Variants in FBN3 observed in about 807,000 individuals in gnomAD.
FBN3 encodes the protein fibrillin 3, also known as fibrillin-3.
FBN3 carries 234 observed loss-of-function variants against 330.1 expected under a neutral mutation model. The observed-to-expected ratio is 0.71, with a 90% confidence interval of 0.64 to 0.79. The LOEUF (loss-of-function observed/expected upper bound fraction) is 0.79, where lower values mean the gene tolerates loss of function less well. Among genes scored for constraint, FBN3 ranks in the 30% least tolerant of loss-of-function variants. The probability of loss-of-function intolerance (pLI) is 0.00; values close to 1 mark genes in which losing one functional copy is unlikely to be tolerated. For missense variants in FBN3, 3,606 were observed against 3,886.9 expected (o/e 0.93, Z 1.92); for synonymous variants, 1,458 against 1,517.3 (o/e 0.96, Z 0.91).
chr19:8,071,915 TG>T, intron 63 of FBN3, 132 bp downstream of exon 63: 1 of 902,912 alleles, frequency 1.1e-6, no homozygotes, highest in Non-Finnish European at 1.7e-6. Flanking sequence ...CACCATGACA[TG>T]GGGAACCTGT....
chr19:8,123,119 C>T (rs985152487), intron 24 of FBN3, among the ~76,000 whole-genome samples: 2 of 151,696 alleles, frequency 1.3e-5, no homozygotes, highest in East Asian at 2.0e-4. Flanking sequence ...TTTGGGAGGC[C>T]GAGGTGGGCG....
chr19:8,109,271 C>A lies in FBN3; in HGVS notation c.4574G>T (p.Arg1525Leu), dbSNP rs368658470. 1 of 1,614,190 alleles carries A rather than the reference C, an allele frequency of 6.2e-7. No homozygotes were observed. The highest frequency in any genetic ancestry group is 8.5e-7 in the Non-Finnish European group (1 of 1,180,028). The change falls in exon 36 of 64, where the codon CGG becomes CTG. Residue 1525 changes from arginine to leucine, a missense_variant. Physicochemically the swap from Arg to Leu is moderately radical, Grantham distance 102 (BLOSUM62 -2). Coordinates refer to ENST00000600128, the MANE Select transcript of FBN3 (RefSeq NM_032447.5). The surrounding 1 kb of genome is among the most constrained non-coding windows in gnomAD (Gnocchi z 5.2). Reference sequence around the variant, plus strand: ...CAGCTCACAGGGATTGCCCCAAGCCCGGCCCAGGGAGCAACAGCAGGAAGC... The same window carrying A: ...CAGCTCACAGGGATTGCCCCAAGCCAGGCCCAGGGAGCAACAGCAGGAAGC... ...TRASCCCSLG[R>L]AWGNPCELCP...
Position 8,076,247 on chromosome 19 carries a change from C to CAT in FBN3, c.7454-837_7454-836insAT, listed in dbSNP as rs60725609. ...AACCAGTGTATGGGTTGTCCGTGTGCGTGTGTGTGTGTGTGTGTGTGTGTG... is the reference window on the plus strand; with the variant it reads ...AACCAGTGTATGGGTTGTCCGTGTGCATGTGTGTGTGTGTGTGTGTGTGTGTG... On this transcript the variant is annotated intron_variant, in intron 59 of 63. Transcript: ENST00000600128. Among the ~76,000 whole-genome samples the CAT allele has an allele frequency of 4.5e-3, 668 of 147,740 alleles. 6 individuals carry two copies. Among genetic ancestry groups the CAT allele is most frequent in the African/African-American group, 8.0e-3 (321 of 40,034 alleles).
At position 8,129,110 on chromosome 19, in the gene FBN3, C is replaced by T. The variant is rs1324298127; in HGVS notation, c.2214G>A (p.Gly738=). The T allele has an allele frequency of 3.1e-6, 5 of 1,613,132 alleles. No individual in the cohort carries two copies. The stretch of plus-strand genomic sequence containing the variant: ...AGCTGCCAGGGCTATTCTGGCACCA[C>T]CCGTTGTCACACAGGAGGCTGTTGA... The part of the protein sequence containing the change: ...CALNSLLCDN[G]WCQNSPGSYS... The change falls in exon 18 of 64, where the codon GGG becomes GGA. Residue 738 remains glycine, a synonymous_variant. Transcript: ENST00000600128. This position sits in a 1 kb window ranked among gnomAD's most constrained non-coding sequence, Gnocchi z 4.5.
chr19:8,114,703 A>G (rs558381933), intron 30 of FBN3, among the ~76,000 whole-genome samples: 1 of 150,690 alleles, frequency 6.6e-6, no homozygotes, highest in East Asian at 2.0e-4. Flanking sequence ...GGGATTACAA[A>G]AGTGTGAGCC....
intron 38 of FBN3, among the ~76,000 whole-genome samples, chr19:8,105,297 A>C (rs2082415466): frequency 7.1e-6 from 1 of 140,260 alleles, no homozygotes. Context: ...TCGTTCTGTC[A>C]CCCAGGCTGG....
In FBN3 at chr19:8,072,162, G is replaced by A. The variant is rs2145357008; in HGVS notation, c.7974C>T (p.Pro2658=). ...CVSGLGFSPG[P]QDTPDKEELL... Reference sequence around the variant, plus strand: ...GCTCCTCTTTGTCCGGGGTGTCCTGGGGTCCGGGGCTGAAGCCCAGGCCGG... The same window carrying A: ...GCTCCTCTTTGTCCGGGGTGTCCTGAGGTCCGGGGCTGAAGCCCAGGCCGG... Residue 2658 remains proline (P), a synonymous_variant, in exon 63 of 64, where the codon CCC becomes CCT. Coordinates refer to ENST00000600128, the MANE Select transcript of FBN3 (RefSeq NM_032447.5). The A allele has an allele frequency of 6.3e-7, 1 of 1,593,106 alleles. No individual in the cohort carries two copies. The highest frequency in any genetic ancestry group is 8.5e-7 in the Non-Finnish European group (1 of 1,170,148).
At chr19:8,124,683 A>G (rs971011571) in intron 22 of FBN3, among the ~76,000 whole-genome samples, 2 of 151,926 alleles carry the variant, frequency 1.3e-5, no homozygotes, top group African/African-American at 2.4e-5. Flanking sequence ...GATTACAGAC[A>G]CCGCTACCAC....
chr19:8,141,662 C>T, intron 8 of FBN3, 55 bp downstream of exon 8: 1 of 1,563,794 alleles, frequency 6.4e-7, no homozygotes, highest in Non-Finnish European at 8.7e-7. Flanking sequence ...AGCCTGAGCC[C>T]CCCAGGTCAT....
chr19:8,131,797 C>T lies in FBN3; in HGVS notation c.1747G>A (p.Val583Met), dbSNP rs749089317. The change falls in exon 15 of 64, where the codon GTG becomes ATG. Residue 583 changes from valine (V) to methionine (M), a missense_variant. Coordinates refer to ENST00000600128, the MANE Select transcript of FBN3 (RefSeq NM_032447.5). This position sits in a 1 kb window ranked among gnomAD's most constrained non-coding sequence, Gnocchi z 4.5. ...TCGGTGTTGGTACAGTGGCCGTTCA[C>T]GCAGATGCCGGGCGTCTGGCACTCG... is the stretch of plus-strand genomic sequence containing the variant. Reference protein sequence around the residue: ...IDECQTPGICVNGHCTNTEGS... With the variant: ...IDECQTPGICMNGHCTNTEGS... 3.8e-5 allele frequency: 61 copies of T among 1,604,642 alleles called. 1 individual carries two copies. Among genetic ancestry groups the T allele is most frequent in the South Asian group, 1.3e-4 (12 of 90,524 alleles).
intron 30 of FBN3, among the ~76,000 whole-genome samples, chr19:8,115,151 G>A (rs899863813): frequency 7.2e-5 from 11 of 152,144 alleles, no homozygotes; most frequent in East Asian, 1.9e-4. Flanking sequence ...CACCGCGCCC[G>A]GCCCAGAGAA....
intron 58 of FBN3, 92 bp downstream of exon 58, chr19:8,081,266 G>T: frequency 6.7e-7 from 1 of 1,502,020 alleles, no homozygotes; most frequent in Non-Finnish European, 9.1e-7. Flanking sequence ...GATGGGAGGG[G>T]GTGAGATTGC....
chr19:8,144,874 T>A lies in FBN3; in HGVS notation c.541+3A>T. ...CTACCTCCCACCCGCGCATGCTTGG[T>A]ACCTCTCTCACATTGAGGTCCCATG... On this transcript the variant is annotated splice_donor_region_variant and intron_variant, in intron 6 of 63. Coordinates refer to ENST00000600128, the MANE Select transcript of FBN3 (RefSeq NM_032447.5). 1 of 1,601,694 alleles carries A rather than the reference T, an allele frequency of 6.2e-7. No individual in the cohort carries two copies. The highest frequency in any genetic ancestry group is 1.3e-5 in the African/African-American group (1 of 74,954).
rs138174015 is a variant in FBN3, at chr19:8,147,932, G to A, written c.-17-435C>T. Among the ~76,000 whole-genome samples, 27 of 149,212 alleles carry A rather than the reference G, an allele frequency of 1.8e-4. No individual in the cohort carries two copies. The East Asian group carries it at 5.0e-3, about 28-fold the overall frequency. The stretch of plus-strand genomic sequence containing the variant: ...GTGTGGGGAAGGGCAGCAGGGTCCC[G>A]GGGGGGAAACAGGGTGTCAGAAGGC... On this transcript the variant is annotated intron_variant, in intron 1 of 63. Coordinates refer to ENST00000600128, the MANE Select transcript of FBN3 (RefSeq NM_032447.5).
At chr19:8,099,654 G>C (rs879876695) in intron 41 of FBN3, among the ~76,000 whole-genome samples, 6 of 152,016 alleles carry the variant, frequency 3.9e-5, no homozygotes, top group Non-Finnish European at 7.4e-5. Context: ...GAATTCATCA[G>C]TTAAACACTG....
chr19:8,130,639 A>AGGAAGGAAAGGAAAGGAAAG (rs58509229), intron 16 of FBN3, among the ~76,000 whole-genome samples: 1 of 3,960 alleles, frequency 2.5e-4, no homozygotes, highest in Non-Finnish European at 4.8e-4. Flanking sequence ...AAAGAAAGAA[A>AGGAAGGAAAGGAAAGGAAAG]GAAAGGAAAG....
At chr19:8,132,892 A>G in intron 14 of FBN3, 92 bp downstream of exon 14, 1 of 1,382,148 alleles carries the variant, frequency 7.2e-7, no homozygotes, top group Non-Finnish European at 9.6e-7. Flanking sequence ...TGCTCGTCCC[A>G]TCCCCGTCCG....
rs757123409 is a variant in FBN3 at position 8,111,683 on chromosome 19, C to A, written c.4049G>T (p.Arg1350Leu). Residue 1350 changes from arginine to leucine, a missense_variant, in exon 32 of 64, where the codon CGC becomes CTC. By Grantham distance (102) the Arg-to-Leu change is moderately radical. Transcript: ENST00000600128. ...GAAGCCATCCCCGGCAAAGCCCTGG[C>A]GGCAGGTGCAGCGGTAGGAGCCAGG... The part of the protein sequence containing the change: ...NVPGSYRCTC[R>L]QGFAGDGFFC... 6.3e-6 allele frequency: 10 copies of A among 1,579,596 alleles called. No individual in the cohort carries two copies. The African/African-American group carries it at 1.1e-4, about 17-fold the overall frequency.
At chr19:8,135,936 G>GGGGGGGGGGGGGGGCCCCCCCCCCCCC in intron 13 of FBN3, 25 bp downstream of exon 13, 58 of 668,654 alleles carry the variant, frequency 8.7e-5, no homozygotes, top group East Asian at 1.6e-4. Flanking sequence ...GGAAGCCCCT[G>GGGGGGGGGGGGGGGCCCCCCCCCCCCC]CCCACCCGCC....
Sources: allele counts gnomAD v4.1 joint callset (sites outside exome capture counted in the v4.1 genomes callset), GRCh38; gene constraint gnomAD v4.1.1; non-coding constraint Gnocchi (gnomAD v3.1); transcripts MANE v1.5; gene names NCBI Gene and HGNC (gene_info 2026-07-23, HGNC 2026-07-21).